Variants in GREB1L observed in about 807,000 individuals in gnomAD.
The protein encoded by GREB1L is GREB1-like protein.
Under a neutral mutation model 200.8 loss-of-function variants are expected in GREB1L, and 17 were observed. That is an observed-to-expected ratio of 0.08 (90% CI 0.06 to 0.13). GREB1L has a LOEUF of 0.13. Ranked by LOEUF, GREB1L falls within the 10% of genes least tolerant of loss-of-function variation. The pLI is 1.00. For synonymous variants in GREB1L, 789 were observed against 893.0 expected (o/e 0.88, Z 2.08); for missense variants, 1,657 against 2,367.7 (o/e 0.70, Z 6.23).
intron 17 of GREB1L, among the ~76,000 whole-genome samples, chr18:21,479,678 C>CAAAA (rs36033923): frequency 7.9e-6 from 1 of 126,234 alleles, no homozygotes. Context: ...GACCCTGTCT[C>CAAAA]AAAAAAAAAA....
chr18:21,326,195 CAG>C (rs1461634983), intron 1 of GREB1L, among the ~76,000 whole-genome samples: 1 of 151,890 alleles, frequency 6.6e-6, no homozygotes, highest in Non-Finnish European at 1.5e-5. Flanking sequence ...GAAAAAAGAA[CAG>C]TGTGTATAAT....
chr18:21,268,442 C>T (rs1404905516), intron 1 of GREB1L, among the ~76,000 whole-genome samples: 2 of 146,496 alleles, frequency 1.4e-5, no homozygotes, highest in African/African-American at 5.0e-5. Context: ...CAAAGTCAGG[C>T]GAGTTTAGGA....
At chr18:21,522,369 G>A (rs2037618651) in intron 32 of GREB1L, among the ~76,000 whole-genome samples, 1 of 151,932 alleles carries the variant, frequency 6.6e-6, no homozygotes, top group Admixed American at 6.6e-5. Context: ...AGCTACTTGG[G>A]AGGCTAACGC....
At chr18:21,269,771 A>G (rs2038049684) in intron 1 of GREB1L, among the ~76,000 whole-genome samples, 1 of 152,224 alleles carries the variant, frequency 6.6e-6, no homozygotes, top group African/African-American at 2.4e-5. Flanking sequence ...AGTTGTATAT[A>G]CATATTTATA....
intron 1 of GREB1L, among the ~76,000 whole-genome samples, chr18:21,292,734 T>C (rs1278488231): frequency 6.6e-6 from 1 of 152,212 alleles, no homozygotes; most frequent in East Asian, 1.9e-4. Flanking sequence ...TGATCAAAAA[T>C]CAGATGAGCA....
chr18:21,468,090 A>G (rs1032076604), intron 15 of GREB1L, among the ~76,000 whole-genome samples: 3 of 152,160 alleles, frequency 2.0e-5, no homozygotes, highest in African/African-American at 7.2e-5. Context: ...CAAAAACACA[A>G]ATGTTCATAG....
intron 1 of GREB1L, among the ~76,000 whole-genome samples, chr18:21,332,511 G>C (rs1178989816): frequency 2.0e-5 from 3 of 151,762 alleles, no homozygotes; most frequent in Non-Finnish European, 4.4e-5. Flanking sequence ...GTCTGGCTCT[G>C]TTGCCCAGGC....
At chr18:21,319,342 A>G (rs569717845) in intron 1 of GREB1L, among the ~76,000 whole-genome samples, 2 of 152,352 alleles carry the variant, frequency 1.3e-5, no homozygotes, top group South Asian at 4.1e-4. Context: ...TAACCAACCA[A>G]TTGTAGATCC....
chr18:21,249,218 T>C (rs1229099431), intron 1 of GREB1L, among the ~76,000 whole-genome samples: 3 of 152,004 alleles, frequency 2.0e-5, no homozygotes, highest in African/African-American at 7.2e-5. Flanking sequence ...CAAACGCACA[T>C]GAGTATGACA....
rs2037636111 is a variant in GREB1L, at chr18:21,523,431, G to A, written c.*610G>A. ...AACTTTTGGCAAAATTTCCACAGGA[G>A]TTAGAAGTTTACTATTTAAACTGAA... On this transcript the variant is annotated 3_prime_UTR_variant, in exon 33 of 33. Coordinates refer to ENST00000424526, the MANE Select transcript of GREB1L (RefSeq NM_001142966.3). 1 of 152,192 alleles carries A rather than the reference G, an allele frequency of 6.6e-6. No homozygotes were observed. The highest frequency in any genetic ancestry group is 6.5e-5 in the Admixed American group (1 of 15,284). 9.4% of individuals were successfully genotyped at this position (152,192 alleles called of 1,614,324 possible). A position where few individuals can be genotyped will look rare whatever the true frequency, so the allele number is the denominator to read the frequency against.
chr18:21,428,711 T>TC (rs2032863840), intron 7 of GREB1L, among the ~76,000 whole-genome samples: 1 of 32,978 alleles, frequency 3.0e-5, no homozygotes, highest in Non-Finnish European at 4.9e-5. Flanking sequence ...GGTTTATCTC[T>TC]TTTTTTTTTT....
intron 1 of GREB1L, among the ~76,000 whole-genome samples, chr18:21,335,865 G>A (rs948950214): frequency 4.0e-5 from 6 of 151,830 alleles, no homozygotes; most frequent in African/African-American, 1.2e-4. Context: ...GGGATTCACC[G>A]TGTTAGCCAG....
At chr18:21,482,929 AATC>A (rs1340651058) in intron 17 of GREB1L, among the ~76,000 whole-genome samples, 2 of 152,130 alleles carry the variant, frequency 1.3e-5, no homozygotes, top group African/African-American at 2.4e-5. Flanking sequence ...TTTATAGTAA[AATC>A]ATTCAGTTTC....
At chr18:21,380,268 G>A (rs1162117807) in intron 2 of GREB1L, 2 of 152,182 alleles carry the variant, frequency 1.3e-5, no homozygotes, top group East Asian at 3.8e-4. Context: ...GCTTTAGTGT[G>A]TGTCTGGGAA....
intron 10 of GREB1L, among the ~76,000 whole-genome samples, chr18:21,442,912 T>C (rs1050110071): frequency 1.3e-5 from 2 of 152,098 alleles, no homozygotes; most frequent in Non-Finnish European, 2.9e-5. Flanking sequence ...GTTTTTGTTT[T>C]TTGTCATTGT....
Position 21,305,653 on chromosome 18 carries a change from T to C in GREB1L, c.-119-60374T>C, listed in dbSNP as rs376903668. Among the ~76,000 whole-genome samples the C allele has an allele frequency of 4.1e-4, 63 of 152,338 alleles. 1 individual carries two copies. The highest frequency in any genetic ancestry group is 1.5e-3 in the African/African-American group (61 of 41,584). On this transcript the variant is annotated intron_variant, in intron 1 of 32. Transcript: ENST00000424526. The stretch of plus-strand genomic sequence containing the variant: ...CTTCATGCAAAGCCAGAATGATTCT[T>C]TTAAAGCAGAAGTCAGATCCTCTCC...
At chr18:21,306,645 A>G (rs1332643653) in intron 1 of GREB1L, among the ~76,000 whole-genome samples, 1 of 152,254 alleles carries the variant, frequency 6.6e-6, no homozygotes, top group Non-Finnish European at 1.5e-5. Flanking sequence ...TAAGAAAGAA[A>G]ACATCAAATT....
chr18:21,330,672 G>A (rs556113192), intron 1 of GREB1L, among the ~76,000 whole-genome samples: 1 of 152,066 alleles, frequency 6.6e-6, no homozygotes, highest in Admixed American at 6.6e-5. Flanking sequence ...TCCACTGAGG[G>A]GGGTAAGAAC....
chr18:21,347,191 T>TGG (rs2039359075), intron 1 of GREB1L, among the ~76,000 whole-genome samples: 2 of 151,766 alleles, frequency 1.3e-5, no homozygotes, highest in Non-Finnish European at 2.9e-5. Flanking sequence ...GACAGGAGAA[T>TGG]TGCTTGAACC....
Sources: gnomAD v4.1 joint callset for allele counts (sites outside exome capture counted in the v4.1 genomes callset) on GRCh38, gnomAD v4.1.1 for gene constraint, MANE v1.5 for transcripts, NCBI Gene and HGNC (gene_info 2026-07-23, HGNC 2026-07-21) for gene names.